MCHR2: variants seen among roughly 807,000 people sequenced by gnomAD.
MCHR2 encodes melanin-concentrating hormone receptor 2.
MCHR2 carries 15 observed loss-of-function variants against 24.8 expected under a neutral mutation model. The ratio of observed to expected loss-of-function variants is 0.60; its 90% CI spans 0.40 to 0.93. The LOEUF (loss-of-function observed/expected upper bound fraction) is 0.93, where lower values mean the gene tolerates loss of function less well. MCHR2 is among the 40% of genes least tolerant of loss of function. The pLI, the probability that MCHR2 is intolerant of heterozygous loss-of-function variation, is 0.00. For missense variants in MCHR2, 386 were observed against 408.7 expected (o/e 0.94, Z 0.48); for synonymous variants, 151 against 147.6 (o/e 1.02, Z -0.17).
At chr6:99,988,787 T>G (rs1008608106) in intron 1 of MCHR2, among the ~76,000 whole-genome samples, 6 of 152,224 alleles carry the variant, frequency 3.9e-5, no homozygotes, top group African/African-American at 1.2e-4. Flanking sequence ...CACTCCATCT[T>G]TTTTACGTGC....
At chr6:99,935,770 T>G (rs974164238) in intron 4 of MCHR2, among the ~76,000 whole-genome samples, 1 of 151,882 alleles carries the variant, frequency 6.6e-6, no homozygotes, top group Non-Finnish European at 1.5e-5. Context: ...TTTTAGTTTT[T>G]CGAGGAGCCT....
chr6:99,972,879 A>G (rs1384302027), intron 1 of MCHR2, among the ~76,000 whole-genome samples: 2 of 151,924 alleles, frequency 1.3e-5, no homozygotes, highest in Non-Finnish European at 2.9e-5. Context: ...GTTTTGAGTG[A>G]GTTTCTTAAT....
At chr6:99,976,453 G>A (rs1342189481) in intron 1 of MCHR2, among the ~76,000 whole-genome samples, 2 of 152,226 alleles carry the variant, frequency 1.3e-5, no homozygotes, top group Admixed American at 1.3e-4. Context: ...CCTAGGAGAT[G>A]AAGCATGGAT....
chr6:99,928,277 A>T (rs1258313859), intron 5 of MCHR2, among the ~76,000 whole-genome samples: 1 of 152,196 alleles, frequency 6.6e-6, no homozygotes, highest in African/African-American at 2.4e-5. Context: ...ATGTTCATCA[A>T]GGATATTGGT....
intron 1 of MCHR2, among the ~76,000 whole-genome samples, chr6:99,958,180 C>A (rs1371307095): frequency 6.6e-6 from 1 of 151,946 alleles, no homozygotes; most frequent in Non-Finnish European, 1.5e-5. Flanking sequence ...CAAACAGACC[C>A]ATACATATAT....
chr6:99,935,806 T>C (rs1343270090), intron 4 of MCHR2, among the ~76,000 whole-genome samples: 1 of 151,922 alleles, frequency 6.6e-6, no homozygotes. Context: ...CAATATATAT[T>C]CCCACCGACA....
intron 5 of MCHR2, among the ~76,000 whole-genome samples, chr6:99,925,738 G>C (rs1283897911): frequency 6.6e-6 from 1 of 151,418 alleles, no homozygotes; most frequent in Non-Finnish European, 1.5e-5. Flanking sequence ...TGTTGTTTCA[G>C]TGTATATCTT....
Position 99,974,621 on chromosome 6 carries a change from T to A in MCHR2, c.-27-18447A>T, listed in dbSNP as rs542103533. 1.7e-4 allele frequency among the ~76,000 whole-genome samples: 26 copies of A among 152,314 alleles called. No individual in the cohort carries two copies. In the East Asian group the frequency reaches 3.7e-3, roughly 21 times the overall value. On this transcript the variant is annotated intron_variant, in intron 1 of 5. Transcript: ENST00000281806. Reference sequence around the variant, plus strand: ...CTGGTAAGGAGCTGCGTTCCTTTGGTGGAGGAGAGGCGCTCTGCTTTTTAG... The same window carrying A: ...CTGGTAAGGAGCTGCGTTCCTTTGGAGGAGGAGAGGCGCTCTGCTTTTTAG...
At chr6:99,934,646 T>C in intron 4 of MCHR2, 129 bp from the exon 5 acceptor site, 1 of 804,800 alleles carries the variant, frequency 1.2e-6, no homozygotes, top group Non-Finnish European at 1.8e-6. Context: ...TGAAAGTCCT[T>C]GTGGAAAAGC....
chr6:99,955,078 A>C (rs1775033190), intron 2 of MCHR2, among the ~76,000 whole-genome samples: 1 of 152,176 alleles, frequency 6.6e-6, no homozygotes, highest in Admixed American at 6.5e-5. Context: ...ATAACATATG[A>C]ATATGGAAGA....
At position 99,972,308 on chromosome 6, in the gene MCHR2, G is replaced by A. The variant is rs1380907109; in HGVS notation, c.-27-16134C>T. On this transcript the variant is annotated intron_variant, in intron 1 of 5. Coordinates refer to ENST00000281806, the MANE Select transcript of MCHR2 (RefSeq NM_001040179.2). ...GTCTTGGGAGGGTGTATGTGTCGAG[G>A]AATTTATCCATTTCTTCTAGATTTT... Among the ~76,000 whole-genome samples, 9 of 152,282 alleles carry A rather than the reference G, an allele frequency of 5.9e-5. 2 individuals carry two copies. In the South Asian group the frequency reaches 1.5e-3, roughly 25 times the overall value.
At chr6:99,959,802 G>A (rs1414801680) in intron 1 of MCHR2, among the ~76,000 whole-genome samples, 1 of 148,800 alleles carries the variant, frequency 6.7e-6, no homozygotes, top group Admixed American at 6.7e-5. Flanking sequence ...TATAAACTAG[G>A]CAGAGGAGTA....
At chr6:99,974,863 G>A (rs1775515072) in intron 1 of MCHR2, among the ~76,000 whole-genome samples, 1 of 152,188 alleles carries the variant, frequency 6.6e-6, no homozygotes, top group African/African-American at 2.4e-5. Context: ...GGTGGCTGCA[G>A]AACAGTGGTG....
chr6:99,924,287 A>T (rs1186315122), intron 5 of MCHR2, among the ~76,000 whole-genome samples: 1 of 151,768 alleles, frequency 6.6e-6, no homozygotes, highest in African/African-American at 2.4e-5. Context: ...ATTTATTTAG[A>T]TCTTCTGTCT....
chr6:99,962,051 A>G (rs533382891), intron 1 of MCHR2, among the ~76,000 whole-genome samples: 2 of 152,244 alleles, frequency 1.3e-5, no homozygotes, highest in South Asian at 4.1e-4. Context: ...AAATCTTTTT[A>G]CCTTTTCACT....
At chr6:99,990,515 A>G (rs766681549) in intron 1 of MCHR2, among the ~76,000 whole-genome samples, 2 of 152,200 alleles carry the variant, frequency 1.3e-5, no homozygotes, top group Non-Finnish European at 2.9e-5. Context: ...GAGTATAGAA[A>G]GATTTAAAAA....
chr6:99,990,931 A>G (rs1030711502), intron 1 of MCHR2, among the ~76,000 whole-genome samples: 5 of 145,376 alleles, frequency 3.4e-5, no homozygotes, highest in African/African-American at 1.3e-4. Flanking sequence ...TTGGAGCCAC[A>G]TCTAGTATGT....
intron 1 of MCHR2, among the ~76,000 whole-genome samples, chr6:99,971,364 C>A (rs958955806): frequency 6.6e-6 from 1 of 151,326 alleles, no homozygotes; most frequent in Non-Finnish European, 1.5e-5. Flanking sequence ...CTCTGTTTGT[C>A]TGTTATTGGT....
At chr6:99,973,817 T>G (rs556822083) in intron 1 of MCHR2, among the ~76,000 whole-genome samples, 1 of 152,326 alleles carries the variant, frequency 6.6e-6, no homozygotes, top group Admixed American at 6.5e-5. Flanking sequence ...CCTTCACTTA[T>G]GAAGCTTAGT....
Sources: gnomAD v4.1 joint callset for allele counts (sites outside exome capture counted in the v4.1 genomes callset) on GRCh38, gnomAD v4.1.1 for gene constraint, MANE v1.5 for transcripts, NCBI Gene and HGNC (gene_info 2026-07-23, HGNC 2026-07-21) for gene names.